The following ESRRG variants were observed in gnomAD, a reference collection of about 807,000 sequenced individuals.
The protein encoded by ESRRG is estrogen-related receptor gamma.
ESRRG carries 13 observed loss-of-function variants against 44.0 expected under a neutral mutation model. The ratio of observed to expected loss-of-function variants is 0.30; its 90% CI spans 0.19 to 0.47. The LOEUF is 0.47. ESRRG is among the 20% of genes least tolerant of loss of function. The probability of loss-of-function intolerance (pLI) is 1.00; values close to 1 mark genes in which losing one functional copy is unlikely to be tolerated. For missense variants in ESRRG, 395 were observed against 580.6 expected, an observed-to-expected ratio of 0.68 and a Z score of 3.29; for synonymous variants, 215 against 214.6, an observed-to-expected ratio of 1.00 and a Z score of -0.02.
At chr1:217,108,005 A>G (rs2092618832) in intron 1 of ESRRG, among the ~76,000 whole-genome samples, 1 of 142,638 alleles carries the variant, frequency 7.0e-6, no homozygotes, top group Non-Finnish European at 1.5e-5. Context: ...TATTACTGCT[A>G]TGTTTAAAAA....
At chr1:216,708,440 C>A (rs1361534686) in intron 1 of ESRRG, among the ~76,000 whole-genome samples, 1 of 152,092 alleles carries the variant, frequency 6.6e-6, no homozygotes, top group Non-Finnish European at 1.5e-5. Context: ...TACATTTGGA[C>A]ACATTTTTGG....
intron 6 of ESRRG, among the ~76,000 whole-genome samples, chr1:216,513,544 C>T (rs2043333170): frequency 1.3e-5 from 2 of 152,054 alleles, no homozygotes; most frequent in Admixed American, 1.3e-4. Flanking sequence ...GGCTAAAAAG[C>T]TAGTTTTCTT....
At chr1:216,809,814 G>A (rs868498542) in intron 2 of ESRRG, among the ~76,000 whole-genome samples, 1 of 152,154 alleles carries the variant, frequency 6.6e-6, no homozygotes, top group Non-Finnish European at 1.5e-5. Context: ...CAGCTAAGGG[G>A]CATGAAATGA....
chr1:216,830,397 A>C (rs1337697303), intron 2 of ESRRG, among the ~76,000 whole-genome samples: 2 of 152,228 alleles, frequency 1.3e-5, no homozygotes, highest in East Asian at 3.9e-4. Context: ...CCCAAGGCAC[A>C]GGGTCCTTTC....
chr1:216,866,169 C>G (rs2096153690), intron 2 of ESRRG, among the ~76,000 whole-genome samples: 1 of 152,146 alleles, frequency 6.6e-6, no homozygotes, highest in Non-Finnish European at 1.5e-5. Context: ...AAAAGTAATA[C>G]TGTAAAACAT....
intron 2 of ESRRG, among the ~76,000 whole-genome samples, chr1:216,774,975 T>C (rs112793912): frequency 0.12 from 17,702 of 151,364 alleles, 1,292 homozygotes; most frequent in Non-Finnish European, 0.17. Flanking sequence ...CTATTTTTTT[T>C]TTTTTTAATT....
chr1:216,774,774 C>G, intron 2 of ESRRG, among the ~76,000 whole-genome samples: 1 of 139,284 alleles, frequency 7.2e-6, no homozygotes, highest in Non-Finnish European at 1.5e-5. Flanking sequence ...GGTAATAAGA[C>G]AGTAAGACAG....
At chr1:216,966,287 A>T (rs2070362897) in intron 1 of ESRRG, among the ~76,000 whole-genome samples, 1 of 152,124 alleles carries the variant, frequency 6.6e-6, no homozygotes, top group African/African-American at 2.4e-5. Context: ...TCAACAAAAG[A>T]TTATTTGTAT....
At chr1:217,055,844 C>T (rs1298852410) in intron 1 of ESRRG, among the ~76,000 whole-genome samples, 1 of 152,192 alleles carries the variant, frequency 6.6e-6, no homozygotes, top group Non-Finnish European at 1.5e-5. Flanking sequence ...ACCCAGATGT[C>T]TATACAATTC....
chr1:216,916,834 C>CTTTTTTTTTTT (rs749847047), intron 2 of ESRRG, among the ~76,000 whole-genome samples: 15 of 62,478 alleles, frequency 2.4e-4, no homozygotes, highest in Non-Finnish European at 3.6e-4. Context: ...CAGCTTTGGT[C>CTTTTTTTTTTT]TTTTTTTTTT....
intron 1 of ESRRG, among the ~76,000 whole-genome samples, chr1:217,062,538 C>CA (rs1339528762): frequency 6.6e-6 from 1 of 152,116 alleles, no homozygotes; most frequent in African/African-American, 2.4e-5. Context: ...ATAATGTCCA[C>CA]AAGTCAGGCA....
At chr1:216,715,096 T>C in intron 1 of ESRRG, 1 of 985,404 alleles carries the variant, frequency 1.0e-6, no homozygotes. Context: ...CCTGATGCTG[T>C]CTAGACTCCA....
chr1:217,033,914 T>C (rs1231566769), intron 1 of ESRRG, among the ~76,000 whole-genome samples: 2 of 152,188 alleles, frequency 1.3e-5, no homozygotes, highest in Non-Finnish European at 2.9e-5. Context: ...TCGTTAAAGC[T>C]ATGCAGTTAC....
At chr1:217,074,984 C>T (rs1415612269) in intron 1 of ESRRG, among the ~76,000 whole-genome samples, 1 of 152,028 alleles carries the variant, frequency 6.6e-6, no homozygotes, top group South Asian at 2.1e-4. Flanking sequence ...TCTCAGTATC[C>T]TTGGGGATTG....
chr1:216,559,851 G>T (rs1179912886), intron 5 of ESRRG, among the ~76,000 whole-genome samples: 1 of 152,106 alleles, frequency 6.6e-6, no homozygotes, highest in Non-Finnish European at 1.5e-5. Context: ...TCTTCAAGCA[G>T]TATCTTTAGC....
chr1:217,046,563 G>A (rs2084913696), intron 1 of ESRRG, among the ~76,000 whole-genome samples: 1 of 152,108 alleles, frequency 6.6e-6, no homozygotes, highest in Non-Finnish European at 1.5e-5. Context: ...GTTGATTTTT[G>A]AGAGGAAAAT....
At chr1:216,779,117 T>A (rs80193354) in intron 2 of ESRRG, among the ~76,000 whole-genome samples, 47,434 of 109,826 alleles carry the variant, frequency 0.43, 11,258 homozygotes, top group Middle Eastern at 0.53. Flanking sequence ...TATATATATA[T>A]AATTATATAT....
At chr1:216,938,225 T>C (rs963618689) in intron 2 of ESRRG, among the ~76,000 whole-genome samples, 3 of 152,240 alleles carry the variant, frequency 2.0e-5, no homozygotes, top group African/African-American at 4.8e-5. Context: ...CTATTTCTAG[T>C]GTACAAATCA....
chr1:216,585,537 C>G (rs1004421705), intron 3 of ESRRG, among the ~76,000 whole-genome samples: 1 of 151,460 alleles, frequency 6.6e-6, no homozygotes, highest in Non-Finnish European at 1.5e-5. Context: ...GGGAAGAAAT[C>G]TGATCTAACA....
Sources: gnomAD v4.1 joint callset for allele counts (sites outside exome capture counted in the v4.1 genomes callset) on GRCh38, gnomAD v4.1.1 for gene constraint, MANE v1.5 for transcripts, NCBI Gene and HGNC (gene_info 2026-07-23, HGNC 2026-07-21) for gene names.